The following CENPT variants were observed in gnomAD, a reference collection of about 807,000 sequenced individuals.
CENPT encodes interphase centromere complex protein 22.
Under a neutral mutation model 59.7 loss-of-function variants are expected in CENPT, and 42 were observed. That is an observed-to-expected ratio of 0.70 (90% CI 0.55 to 0.91). The LOEUF (loss-of-function observed/expected upper bound fraction) is 0.91. Ranked by LOEUF, CENPT falls within the 40% of genes least tolerant of loss-of-function variation. The probability of loss-of-function intolerance (pLI) is 0.00; values close to 1 mark genes in which losing one functional copy is unlikely to be tolerated. For missense variants in CENPT, 716 were observed against 713.4 expected, an observed-to-expected ratio of 1.00 and a Z score of -0.04; for synonymous variants, 295 against 289.6, an observed-to-expected ratio of 1.02 and a Z score of -0.19.
At chr16:67,831,116 CCCCA>C in intron 10 of CENPT, 96 bp downstream of exon 10, 2 of 1,518,294 alleles carry the variant, frequency 1.3e-6, no homozygotes, top group Non-Finnish European at 1.8e-6. Context: ...CTGTCCTTGA[CCCCA>C]CCGAGAGGGG....
chr16:67,843,515 GCCTGCTGGACTC>G lies in CENPT; in HGVS notation c.-492+3874_-492+3885del, dbSNP rs1170221394. 5 of 1,593,626 alleles carry G rather than the reference GCCTGCTGGACTC, an allele frequency of 3.1e-6. No homozygotes were observed. In the Admixed American group the frequency reaches 8.5e-5, roughly 27 times the overall value. On this transcript the variant is annotated intron_variant, in intron 1 of 15. Transcript: ENST00000562787. This position sits in a 1 kb window ranked among gnomAD's most constrained non-coding sequence, Gnocchi z 5.7. ...CGGAATGTGAACTGGTGCCCCGGCA[GCCTGCTGGACTC>G]CCAGACCCCATCCAGCCAGGGGACC...
At chr16:67,829,212 A>G (rs1237365492) in intron 13 of CENPT, 2 of 530,118 alleles carry the variant, frequency 3.8e-6, no homozygotes, top group Admixed American at 7.6e-5. Flanking sequence ...AACCAACCAC[A>G]TACTTTCCCC....
intron 10 of CENPT, 135 bp downstream of exon 10, chr16:67,831,081 T>C: frequency 8.8e-7 from 1 of 1,130,830 alleles, no homozygotes; most frequent in Non-Finnish European, 1.3e-6. Flanking sequence ...AAATTCCTTG[T>C]AGACCCACTG....
intron 1 of CENPT, among the ~76,000 whole-genome samples, chr16:67,837,095 T>C (rs922502258): frequency 2.7e-5 from 4 of 150,872 alleles, no homozygotes; most frequent in Non-Finnish European, 5.9e-5. Context: ...GGTCTCCAAC[T>C]CCTAACCTCA....
chr16:67,831,260 C>A lies in CENPT; in HGVS notation c.659G>T (p.Gly220Val), dbSNP rs1479419134. ...ATCTCGCAGATCCCGCAAAAAGGCACCCACGTCTACAGCTCGGCGGGCTGG... is the reference window on the plus strand; with the variant it reads ...ATCTCGCAGATCCCGCAAAAAGGCAACCACGTCTACAGCTCGGCGGGCTGG... ...RPPARRAVDVGAFLRDLRDTS... is the reference protein window; with the variant it reads ...RPPARRAVDVVAFLRDLRDTS... The change falls in exon 10 of 16, where the codon GGT (glycine) becomes GTT (valine). Residue 220 changes from glycine to valine, a missense_variant. Gly to Val is a moderately radical substitution (Grantham distance 109). Transcript: ENST00000562787. The A allele has an allele frequency of 6.2e-7, 1 of 1,614,062 alleles. No individual in the cohort carries two copies. The highest frequency in any genetic ancestry group is 1.3e-5 in the African/African-American group (1 of 74,926).
rs760153466 is a variant in CENPT, at chr16:67,842,998, C to T, written c.-492+4403G>A. Reference sequence around the variant, plus strand: ...CCCAGACTGCCCAGCTGCAGCCGAACCTGGTATCTGCTTCCGCGGCCGTGC... The same window carrying T: ...CCCAGACTGCCCAGCTGCAGCCGAATCTGGTATCTGCTTCCGCGGCCGTGC... On this transcript the variant is annotated intron_variant, in intron 1 of 15. Transcript: ENST00000562787. The surrounding 1 kb of genome is among the most constrained non-coding windows in gnomAD (Gnocchi z 4.9). 13 of 1,612,646 alleles carry T rather than the reference C, an allele frequency of 8.1e-6. No homozygotes were observed. In the East Asian group the frequency reaches 2.5e-4, roughly 30 times the overall value.
chr16:67,837,315 C>T (rs548922084), intron 1 of CENPT, among the ~76,000 whole-genome samples: 2 of 151,952 alleles, frequency 1.3e-5, no homozygotes, highest in Non-Finnish European at 2.9e-5. Context: ...CTGGGATTAC[C>T]GGAGTGAGTC....
rs1035539777 is a variant in CENPT, at chr16:67,832,503, C to CA, written c.152dup (p.Leu51PhefsTer56). 9 of 1,614,060 alleles carry CA rather than the reference C, an allele frequency of 5.6e-6. No homozygotes were observed. Among genetic ancestry groups the CA allele is most frequent in the Non-Finnish European group, 5.9e-6 (7 of 1,180,036 alleles). ...TGGCTATCGTCCTTGTTTGGCCACT[C>CA]AACTTCCTGGGGGAAGCCGTTTCAA... On this transcript the variant is annotated frameshift_variant, in exon 5 of 16. Transcript: ENST00000562787. LOFTEE classifies it high-confidence loss of function.
Position 67,842,923 on chromosome 16 carries a change from GC to G in CENPT, c.-492+4477del. 2.8e-6 allele frequency: 2 copies of G among 705,548 alleles called. No homozygotes were observed. Among genetic ancestry groups the G allele is most frequent in the South Asian group, 7.9e-5 (2 of 25,330 alleles). The allele number at this position is 705,548 out of a possible 1,614,324, so 43.7% of individuals were successfully genotyped here. On this transcript the variant is annotated intron_variant, in intron 1 of 15. Transcript: ENST00000562787. The surrounding 1 kb of genome is among the most constrained non-coding windows in gnomAD (Gnocchi z 4.9). ...AGCAACAGCAGCAGCAGCAGCAACA[GC>G]AGCAGCAGCAGCAGCAGCAGCAGCA...
chr16:67,834,166 C>A (rs937634663), intron 3 of CENPT, 66 bp from the exon 4 acceptor site: 1 of 311,984 alleles, frequency 3.2e-6, no homozygotes, highest in South Asian at 1.1e-4. Context: ...TGATGTTTAA[C>A]TCAGAGTCTA....
chr16:67,832,610 G>A, intron 4 of CENPT, 65 bp from the exon 5 acceptor site: 1 of 1,411,992 alleles, frequency 7.1e-7, no homozygotes, highest in Non-Finnish European at 9.9e-7. Flanking sequence ...ATAGAGACAT[G>A]CCTTCATCAG....
At chr16:67,830,893 AATCAGGCT>A in intron 10 of CENPT, 1 of 509,430 alleles carries the variant, frequency 2.0e-6, no homozygotes, top group South Asian at 2.5e-5. Flanking sequence ...TGTTTTCTGC[AATCAGGCT>A]CCCAGGTCAG....
At chr16:67,845,400 G>A (rs2057790576) in intron 1 of CENPT, among the ~76,000 whole-genome samples, 2 of 152,228 alleles carry the variant, frequency 1.3e-5, no homozygotes, top group Non-Finnish European at 2.9e-5. Flanking sequence ...TGGGGAAGGA[G>A]TGAGACATAG....
Position 67,830,462 on chromosome 16 carries a change from T to C in CENPT, c.790A>G (p.Thr264Ala), listed in dbSNP as rs2057675444. The C allele has an allele frequency of 6.2e-7, 1 of 1,614,098 alleles. No homozygotes were observed. Residue 264 changes from threonine to alanine, a missense_variant, in exon 11 of 16, where the codon ACT (threonine) becomes GCT (alanine). By Grantham distance (58) the Thr-to-Ala change is moderately conservative. Transcript: ENST00000562787. ...VYHSLPCTPH[T>A]GAEDAEQAAG... ...GCCTGCTCAGCGTCTTCAGCCCCAG[T>C]GTGAGGCGTGCAGGGCAGGGAGTGA...
At position 67,830,541 on chromosome 16, in the gene CENPT, C is replaced by T; in HGVS notation, c.711G>A (p.Val237=). The change falls in exon 11 of 16, where the codon GTG becomes GTA. Residue 237 remains valine, a synonymous_variant. Coordinates refer to ENST00000562787, the MANE Select transcript of CENPT (RefSeq NM_025082.4). ...RDTSLAPPNI[V]LEDTQPFSQP... ...GAGAGAACGGCTGGGTGTCCTCCAA[C>T]ACAATGTCTGTGGGCAGAGTAGTAA... 6.2e-7 allele frequency: 1 copy of T among 1,613,996 alleles called. No individual in the cohort carries two copies.
Position 67,843,586 on chromosome 16 carries a change from G to A in CENPT, c.-492+3815C>T. On this transcript the variant is annotated intron_variant, in intron 1 of 15. Transcript: ENST00000562787. This position sits in a 1 kb window ranked among gnomAD's most constrained non-coding sequence, Gnocchi z 5.7. ...TTGTTGAACTCCTCTATACTCCTGGGCACTGGTTGACAGTACTGAGGCTTA... is the reference window on the plus strand; with the variant it reads ...TTGTTGAACTCCTCTATACTCCTGGACACTGGTTGACAGTACTGAGGCTTA... The A allele has an allele frequency of 5.8e-6, 8 of 1,371,658 alleles. No individual in the cohort carries two copies. The highest frequency in any genetic ancestry group is 7.9e-6 in the Non-Finnish European group (8 of 1,008,594). The allele number at this position is 1,371,658 out of a possible 1,614,324, so 85.0% of individuals were successfully genotyped here.
Position 67,832,092 on chromosome 16 carries a change from G to C in CENPT, c.306C>G (p.Ile102Met). 6.2e-7 allele frequency: 1 copy of C among 1,612,252 alleles called. No individual in the cohort carries two copies. The highest frequency in any genetic ancestry group is 8.5e-7 in the Non-Finnish European group (1 of 1,178,658). Residue 102 changes from isoleucine (I) to methionine (M), a missense_variant, in exon 7 of 16, where the codon ATC (isoleucine) becomes ATG (methionine). By Grantham distance (10) the Ile-to-Met change is conservative. Coordinates refer to ENST00000562787, the MANE Select transcript of CENPT (RefSeq NM_025082.4). ...GCTTCACTACCGACTCAGGCATCAGGATGGAAGATTCTGGGGCTGCAGAAA... is the reference window on the plus strand; with the variant it reads ...GCTTCACTACCGACTCAGGCATCAGCATGGAAGATTCTGGGGCTGCAGAAA... ...NILLTAPESSILMPESVVKPV... is the reference protein window; with the variant it reads ...NILLTAPESSMLMPESVVKPV...
At chr16:67,847,136 C>A (rs1007142663) in intron 1 of CENPT, 5 of 148,530 alleles carry the variant, frequency 3.4e-5, no homozygotes, top group Non-Finnish European at 7.5e-5. Flanking sequence ...GGCCATGTGT[C>A]GCGCGCGGCT....
rs2057626622 is a variant in CENPT, at chr16:67,828,403, A to T, written c.1563-13T>A. ...GACCAGGCCCTGCCTGCAGTGGAGG[A>T]AGAGAAGGGACAGGCAGAATCAGCA... On this transcript the variant is annotated splice_polypyrimidine_tract_variant and intron_variant, in intron 15 of 15. Transcript: ENST00000562787. The T allele has an allele frequency of 6.2e-7, 1 of 1,611,556 alleles. No homozygotes were observed. The highest frequency in any genetic ancestry group is 1.3e-5 in the African/African-American group (1 of 74,834).
Sources: allele counts gnomAD v4.1 joint callset (sites outside exome capture counted in the v4.1 genomes callset), GRCh38; gene constraint gnomAD v4.1.1; non-coding constraint Gnocchi (gnomAD v3.1); transcripts MANE v1.5; gene names NCBI Gene and HGNC (gene_info 2026-07-23, HGNC 2026-07-21).